The following CIT variants were observed in gnomAD, a reference collection of about 807,000 sequenced individuals.
The protein encoded by CIT is citron Rho-interacting kinase.
Under a neutral mutation model 272.7 loss-of-function variants are expected in CIT, and 79 were observed. The ratio of observed to expected loss-of-function variants is 0.29; its 90% CI spans 0.24 to 0.35. CIT has a LOEUF of 0.35. Ranked by LOEUF, CIT falls within the 10% of genes least tolerant of loss-of-function variation. The probability of loss-of-function intolerance (pLI) is 1.00; values close to 1 mark genes in which losing one functional copy is unlikely to be tolerated. For synonymous variants in CIT, 948 were observed against 995.6 expected, an observed-to-expected ratio of 0.95 and a Z score of 0.90; for missense variants, 1,909 against 2,618.3, an observed-to-expected ratio of 0.73 and a Z score of 5.91.
Position 119,784,417 on chromosome 12 carries a change from G to A in CIT, c.1402-366C>T. 1 of 1,219,016 alleles carries A rather than the reference G, an allele frequency of 8.2e-7. No homozygotes were observed. The highest frequency in any genetic ancestry group is 1.5e-5 in the South Asian group (1 of 65,732). The allele number at this position is 1,219,016 out of a possible 1,614,324, so 75.5% of individuals were successfully genotyped here. A position where few individuals can be genotyped will look rare whatever the true frequency, so the allele number is the denominator to read the frequency against. On this transcript the variant is annotated intron_variant, in intron 11 of 47. Coordinates refer to ENST00000392521, the MANE Select transcript of CIT (RefSeq NM_001206999.2). This position sits in a 1 kb window ranked among gnomAD's most constrained non-coding sequence, Gnocchi z 4.7. ...CATCTTGATCCCCCCCCATCTCCTT[G>A]CAAAGATCTAGAGGACAAATCCAGG...
At chr12:119,708,068 T>C in intron 40 of CIT, 111 bp downstream of exon 40, 1 of 1,215,076 alleles carries the variant, frequency 8.2e-7, no homozygotes, top group Non-Finnish European at 1.1e-6. Context: ...CCTCTCTGTT[T>C]GTTATTTAAG....
chr12:119,781,974 C>T (rs897103032), intron 13 of CIT, among the ~76,000 whole-genome samples: 1 of 152,128 alleles, frequency 6.6e-6, no homozygotes, highest in Non-Finnish European at 1.5e-5. Context: ...TTGCAGGCCA[C>T]ATGGTCTCTG....
intron 10 of CIT, among the ~76,000 whole-genome samples, chr12:119,787,477 A>G (rs551485971): frequency 6.6e-6 from 1 of 151,706 alleles, no homozygotes; most frequent in East Asian, 1.9e-4. Context: ...GATGCCTGTA[A>G]TCTCAGCACT....
Position 119,688,333 on chromosome 12 carries a change from A to T in CIT, c.6187-78T>A. On this transcript the variant is annotated intron_variant, in intron 47 of 47. Transcript: ENST00000392521. The stretch of plus-strand genomic sequence containing the variant: ...GCTCACCTTGCATGATGCAAATGGG[A>T]ATCTGCAGCCCCTGGGCTATCCCCT... 2.2e-6 allele frequency: 3 copies of T among 1,391,608 alleles called. No homozygotes were observed. In the South Asian group the frequency reaches 3.5e-5, roughly 16 times the overall value. 86.2% of individuals were successfully genotyped at this position (1,391,608 alleles called of 1,614,324 possible). A position where few individuals can be genotyped will look rare whatever the true frequency, so the allele number is the denominator to read the frequency against.
rs564080893 is a variant in CIT at position 119,694,880 on chromosome 12, A to C, written c.5882+2779T>G. 9.2e-5 allele frequency among the ~76,000 whole-genome samples: 14 copies of C among 152,304 alleles called. No individual in the cohort carries two copies. The highest frequency in any genetic ancestry group is 1.9e-4 in the East Asian group (1 of 5,184). On this transcript the variant is annotated intron_variant, in intron 46 of 47. Transcript: ENST00000392521. This position sits in a 1 kb window ranked among gnomAD's most constrained non-coding sequence, Gnocchi z 4.5. The stretch of plus-strand genomic sequence containing the variant: ...AGGGCACTTCCAGAATGCCAGACTA[A>C]GGACCTCTCACAACCTGTTTCTCCA...
intron 41 of CIT, among the ~76,000 whole-genome samples, chr12:119,702,205 A>G (rs1284984685): frequency 6.6e-6 from 1 of 152,054 alleles, no homozygotes; most frequent in Non-Finnish European, 1.5e-5. Context: ...GCTGGGCTCA[A>G]GCAATCCTCC....
At chr12:119,863,886 C>T (rs911543959) in intron 3 of CIT, among the ~76,000 whole-genome samples, 4 of 151,968 alleles carry the variant, frequency 2.6e-5, no homozygotes, top group Admixed American at 6.6e-5. Context: ...CATGTTTGCC[C>T]CTTCTGCCAG....
At chr12:119,711,202 G>T in intron 37 of CIT, 2 of 857,966 alleles carry the variant, frequency 2.3e-6, no homozygotes, top group Non-Finnish European at 1.7e-6. Context: ...CAGGAGGCTT[G>T]TGGTTAAGAA....
chr12:119,854,883 G>A (rs956433402), intron 4 of CIT, among the ~76,000 whole-genome samples: 7 of 152,026 alleles, frequency 4.6e-5, no homozygotes, highest in African/African-American at 7.2e-5. Context: ...CCTGGGAGGC[G>A]GGGTTGCAGT....
intron 5 of CIT, among the ~76,000 whole-genome samples, chr12:119,844,992 C>T (rs1277537660): frequency 1.3e-5 from 2 of 152,032 alleles, no homozygotes; most frequent in East Asian, 3.9e-4. Flanking sequence ...TGGTGGCACG[C>T]GCCTGTAATC....
rs1218218964 is a variant in CIT, at chr12:119,690,375, C to T, written c.5962G>A (p.Gly1988Ser). The T allele has an allele frequency of 1.3e-6, 2 of 1,597,358 alleles. No homozygotes were observed. Among genetic ancestry groups the T allele is most frequent in the Admixed American group, 1.7e-5 (1 of 59,132 alleles). ...CTTGGCTCTCGCGGGTGGCTGGGGC[C>T]TTCGGGCGGCGCTGGGCTGGAGGCC... ...RVASSPAPPE[G>S]PSHPREPSTP... The change falls in exon 47 of 48, where the codon GGC (glycine) becomes AGC (serine). Residue 1988 changes from glycine to serine, a missense_variant. Around this residue, in one of 8 missense-constraint regions of CIT, gnomAD observed 780 missense variants for 1,067.2 expected, o/e 0.73. Coordinates refer to ENST00000392521, the MANE Select transcript of CIT (RefSeq NM_001206999.2). This position sits in a 1 kb window ranked among gnomAD's most constrained non-coding sequence, Gnocchi z 6.0.
At chr12:119,838,080 G>C (rs1969135917) in intron 5 of CIT, among the ~76,000 whole-genome samples, 1 of 151,920 alleles carries the variant, frequency 6.6e-6, no homozygotes, top group African/African-American at 2.4e-5. Flanking sequence ...TTGTTTTTTT[G>C]GGTTTTTTTT....
At chr12:119,709,029 T>C (rs1957019473) in intron 39 of CIT, among the ~76,000 whole-genome samples, 1 of 151,666 alleles carries the variant, frequency 6.6e-6, no homozygotes, top group Non-Finnish European at 1.5e-5. Flanking sequence ...CCGTTCAGAT[T>C]AAAGGAGACT....
Position 119,716,378 on chromosome 12 carries a change from C to CAAAAAAAAAAAAA in CIT, c.4168+1854_4168+1866dup, listed in dbSNP as rs35690078. Among the ~76,000 whole-genome samples the CAAAAAAAAAAAAA allele has an allele frequency of 3.9e-4, 7 of 17,804 alleles. 3 individuals are homozygous for CAAAAAAAAAAAAA. The highest frequency in any genetic ancestry group is 5.9e-4 in the Non-Finnish European group (6 of 10,100). The allele number at this position is 17,804 out of a possible 152,430, so 11.7% of individuals were successfully genotyped here. A position where few individuals can be genotyped will look rare whatever the true frequency, so the allele number is the denominator to read the frequency against. On this transcript the variant is annotated intron_variant, in intron 32 of 47. Coordinates refer to ENST00000392521, the MANE Select transcript of CIT (RefSeq NM_001206999.2). ...TGGGCGACAGAGCGAGACTCTGTCT[C>CAAAAAAAAAAAAA]AAAAAAAAAAAAAAAAAAAAAAAAA...
rs761177635 is a variant in CIT at position 119,698,027 on chromosome 12, G to A, written c.5651C>T (p.Thr1884Ile). 1.9e-6 allele frequency: 3 copies of A among 1,614,172 alleles called. No individual in the cohort carries two copies. The South Asian group carries it at 3.3e-5, about 18-fold the overall frequency. The change falls in exon 45 of 48, where the codon ACC becomes ATC. Residue 1884 changes from threonine (T) to isoleucine (I), a missense_variant. Physicochemically the swap from Thr to Ile is moderately conservative, Grantham distance 89 (BLOSUM62 -1). This residue lies in a region of CIT where 780 missense variants were observed against 1,067.2 expected (regional missense o/e 0.73). Coordinates refer to ENST00000392521, the MANE Select transcript of CIT (RefSeq NM_001206999.2). Reference protein sequence around the residue: ...FAYREPYLFVTHFNSLEVIEI... With the variant: ...FAYREPYLFVIHFNSLEVIEI... ...AATTACTTCGAGTGAGTTGAAGTGG[G>A]TCACAAACAGATAGGGTTCTCTGTA...
At chr12:119,830,631 C>T (rs1047689581) in intron 7 of CIT, among the ~76,000 whole-genome samples, 2 of 152,128 alleles carry the variant, frequency 1.3e-5, no homozygotes, top group African/African-American at 4.8e-5. Context: ...ACCCTCCTAC[C>T]CCAGGCACAT....
chr12:119,693,978 A>C (rs1956090301), intron 46 of CIT, among the ~76,000 whole-genome samples: 1 of 152,210 alleles, frequency 6.6e-6, no homozygotes, highest in African/African-American at 2.4e-5. Context: ...GAAGGTAGAC[A>C]CACCTTATAA....
chr12:119,688,809 T>C (rs1267323373), intron 47 of CIT, among the ~76,000 whole-genome samples: 1 of 152,244 alleles, frequency 6.6e-6, no homozygotes, highest in Non-Finnish European at 1.5e-5. Flanking sequence ...AAAGTTCTTC[T>C]GGAAGGCAAC....
chr12:119,850,405 G>T, intron 4 of CIT, 130 bp from the exon 5 acceptor site: 1 of 364,642 alleles, frequency 2.7e-6, no homozygotes, highest in Non-Finnish European at 5.0e-6. Flanking sequence ...GGAAAGAAGG[G>T]AAAAGAAAAC....
Sources: allele counts gnomAD v4.1 joint callset (sites outside exome capture counted in the v4.1 genomes callset), GRCh38; gene constraint gnomAD v4.1.1; regional missense constraint gnomAD v4.1.1; non-coding constraint Gnocchi (gnomAD v3.1); transcripts MANE v1.5; gene names NCBI Gene and HGNC (gene_info 2026-07-23, HGNC 2026-07-21).